The following ACOT1 variants were observed in gnomAD, a reference collection of about 807,000 sequenced individuals.
ACOT1 encodes the protein acyl-CoA thioesterase 1.
A neutral mutation model predicts 15.7 loss-of-function variants in ACOT1; 8 were observed. The observed-to-expected ratio is 0.51, with a 90% CI of 0.30 to 0.92. ACOT1 has a LOEUF of 0.92. Ranked by LOEUF, ACOT1 falls within the 40% of genes least tolerant of loss-of-function variation. ACOT1 has a pLI of 0.06. For missense variants in ACOT1, 151 were observed against 539.4 expected, an observed-to-expected ratio of 0.28 and a Z score of 7.13; for synonymous variants, 67 against 241.2, an observed-to-expected ratio of 0.28 and a Z score of 6.69.
the ACOT1 span, among the ~76,000 whole-genome samples, chr14:73,501,208 T>C: frequency 6.6e-6 from 1 of 152,056 alleles, no homozygotes; most frequent in Non-Finnish European, 1.5e-5. Context: ...AAGCGCCGCC[T>C]CCTGGGTTCA....
chr14:73,497,068 G>C, the ACOT1 span, among the ~76,000 whole-genome samples: 1 of 152,270 alleles, frequency 6.6e-6, no homozygotes, highest in Non-Finnish European at 1.5e-5. Flanking sequence ...GCTAGTTTTT[G>C]TATTTTTAGT....
the ACOT1 span, among the ~76,000 whole-genome samples, chr14:73,493,735 G>A: frequency 6.6e-6 from 1 of 152,180 alleles, no homozygotes; most frequent in Non-Finnish European, 1.5e-5. Context: ...CTACTAGGGG[G>A]GCTGAGGCAG....
At chr14:73,493,235 C>T in the ACOT1 span, 3 of 836,466 alleles carry the variant, frequency 3.6e-6, no homozygotes, top group Admixed American at 4.7e-5. Flanking sequence ...CTGGGTAACA[C>T]TGACCATGTC....
At chr14:73,540,775 G>C (rs181276411) in intron 1 of ACOT1, among the ~76,000 whole-genome samples, 39 of 101,056 alleles carry the variant, frequency 3.9e-4, no homozygotes, top group African/African-American at 1.1e-3. Context: ...ACAGTGTCTC[G>C]CTCTTTCGCC....
rs1464729267 is a variant in ACOT1, at chr14:73,543,049, G to C, written c.661-1G>C. On this transcript the variant is annotated splice_acceptor_variant, in intron 2 of 2. Transcript: ENST00000311148. LOFTEE classifies it high-confidence loss of function. Reference sequence around the variant, plus strand: ...TTCTTTTTCCTTTGTCCCTTTCTCAGGTAAAAGGTCCAGGAGTTGGGCTGC... The same window carrying C: ...TTCTTTTTCCTTTGTCCCTTTCTCACGTAAAAGGTCCAGGAGTTGGGCTGC... 26 of 1,422,942 alleles carry C rather than the reference G, an allele frequency of 1.8e-5. 6 individuals are homozygous for C. The highest frequency in any genetic ancestry group is 1.9e-4 in the Middle Eastern group (1 of 5,374). 88.1% of individuals were successfully genotyped at this position (1,422,942 alleles called of 1,614,324 possible).
the ACOT1 span, among the ~76,000 whole-genome samples, chr14:73,502,442 G>A: frequency 8.5e-5 from 13 of 152,252 alleles, no homozygotes; most frequent in South Asian, 6.2e-4. Context: ...TCTTTCCCTA[G>A]CCACATTGTT....
the ACOT1 span, chr14:73,518,899 C>T: frequency 2.3e-6 from 2 of 877,554 alleles, no homozygotes; most frequent in South Asian, 1.9e-5. Flanking sequence ...AAGGGGATTG[C>T]CTAGATGCTA....
chr14:73,512,281 G>A, the ACOT1 span: 2 of 987,784 alleles, frequency 2.0e-6, no homozygotes, highest in South Asian at 1.7e-5. Flanking sequence ...AAGAATAAAG[G>A]GCCCAGAGAT....
the ACOT1 span, among the ~76,000 whole-genome samples, chr14:73,509,039 A>C: frequency 1.3e-5 from 2 of 151,922 alleles, no homozygotes; most frequent in African/African-American, 4.8e-5. Flanking sequence ...GCTAATTTTA[A>C]AATTTTTTAT....
chr14:73,518,412 GAA>G, the ACOT1 span, among the ~76,000 whole-genome samples: 1 of 108,804 alleles, frequency 9.2e-6, no homozygotes, highest in African/African-American at 3.4e-5. Context: ...TCCAAAAAAA[GAA>G]AAAAAAAAAA....
chr14:73,520,849 T>A, the ACOT1 span: 15,179 of 1,612,994 alleles, frequency 9.4e-3, 98 homozygotes, highest in Non-Finnish European at 0.011. Context: ...CCAGCTCTAT[T>A]ACCAAAGTAA....
the ACOT1 span, among the ~76,000 whole-genome samples, chr14:73,524,511 A>G: frequency 6.6e-6 from 1 of 150,974 alleles, no homozygotes; most frequent in Non-Finnish European, 1.5e-5. Flanking sequence ...CCTTGGCCTA[A>G]TAATGATAGT....
At chr14:73,515,004 G>A in the ACOT1 span, among the ~76,000 whole-genome samples, 2 of 151,182 alleles carry the variant, frequency 1.3e-5, no homozygotes, top group Non-Finnish European at 2.9e-5. Context: ...AGAGGCGGAG[G>A]TTGCAGTGAG....
the ACOT1 span, among the ~76,000 whole-genome samples, chr14:73,503,643 T>A: frequency 2.0e-4 from 30 of 149,392 alleles, no homozygotes; most frequent in East Asian, 4.2e-3. Flanking sequence ...TTAAAAATTT[T>A]AAAAAATAAA....
At chr14:73,527,401 C>T in the ACOT1 span, 1 of 151,346 alleles carries the variant, frequency 6.6e-6, no homozygotes, top group Non-Finnish European at 1.5e-5. Flanking sequence ...GCTCAAACTT[C>T]GAGATAACAC....
the ACOT1 span, chr14:73,492,602 C>G: frequency 6.2e-7 from 1 of 1,613,840 alleles, no homozygotes; most frequent in Admixed American, 1.7e-5. The surrounding 1 kb of genome is among the most constrained non-coding windows in gnomAD (Gnocchi z 4.9). Context: ...GCTTCCAATT[C>G]GCTGGGAGGC....
chr14:73,520,778 CA>C, the ACOT1 span: 1 of 1,395,960 alleles, frequency 7.2e-7, no homozygotes, highest in Admixed American at 1.9e-5. Flanking sequence ...CAACTGTTTC[CA>C]GCCCCCAGCA....
the ACOT1 span, among the ~76,000 whole-genome samples, chr14:73,505,436 G>A: frequency 5.9e-5 from 9 of 151,330 alleles, no homozygotes; most frequent in South Asian, 2.1e-4. Context: ...TCGCACTGTC[G>A]CCCAGGCTGG....
chr14:73,505,693 G>A, the ACOT1 span, among the ~76,000 whole-genome samples: 3 of 150,688 alleles, frequency 2.0e-5, no homozygotes, highest in Non-Finnish European at 3.0e-5. Context: ...GTGCCCGGCC[G>A]GGACTATGTT....
Sources: gnomAD v4.1 joint callset for allele counts (sites outside exome capture counted in the v4.1 genomes callset) on GRCh38, gnomAD v4.1.1 for gene constraint, Gnocchi (gnomAD v3.1) non-coding constraint, MANE v1.5 for transcripts, NCBI Gene and HGNC (gene_info 2026-07-23, HGNC 2026-07-21) for gene names.